The following RABGAP1L variants were observed in gnomAD, a reference collection of about 807,000 sequenced individuals.
RABGAP1L encodes the protein rab GTPase-activating protein 1-like.
In RABGAP1L, 63 loss-of-function variants were observed where a neutral mutation model predicts 137.7. The ratio of observed to expected loss-of-function variants is 0.46; its 90% CI spans 0.37 to 0.56. RABGAP1L has a LOEUF of 0.56. Among genes scored for constraint, RABGAP1L ranks in the 20% least tolerant of loss-of-function variants. The pLI, the probability that RABGAP1L is intolerant of heterozygous loss-of-function variation, is 0.00. For synonymous variants in RABGAP1L, 431 were observed against 433.7 expected, an observed-to-expected ratio of 0.99 and a Z score of 0.08; for missense variants, 1,095 against 1,244.0, an observed-to-expected ratio of 0.88 and a Z score of 1.80.
chr1:174,301,817 A>C (rs1677732894), intron 10 of RABGAP1L, among the ~76,000 whole-genome samples: 1 of 152,198 alleles, frequency 6.6e-6, no homozygotes, highest in African/African-American at 2.4e-5. Flanking sequence ...ACAGTGTAAA[A>C]TGTTAATTAG....
At chr1:174,587,810 A>G (rs1669235503) in intron 13 of RABGAP1L, among the ~76,000 whole-genome samples, 1 of 152,198 alleles carries the variant, frequency 6.6e-6, no homozygotes. Context: ...CACCATCTCA[A>G]GCATTTATTT....
In RABGAP1L at chr1:174,761,097, A is replaced by T. The variant is rs1162032483; in HGVS notation, c.2211+8743A>T. Among the ~76,000 whole-genome samples the T allele has an allele frequency of 6.6e-6, 1 of 152,224 alleles. No individual in the cohort carries two copies. Among genetic ancestry groups the T allele is most frequent in the Non-Finnish European group, 1.5e-5 (1 of 68,036 alleles). On this transcript the variant is annotated intron_variant, in intron 18 of 25. Coordinates refer to ENST00000681986, the MANE Select transcript of RABGAP1L (RefSeq NM_001366446.1). The surrounding 1 kb of genome is among the most constrained non-coding windows in gnomAD (Gnocchi z 4.0). Reference sequence around the variant, plus strand: ...AAAGAAAGAGGTTTAATGGACTTACAGTTCCACGTGGCTGGGCCAGGCCTC... The same window carrying T: ...AAAGAAAGAGGTTTAATGGACTTACTGTTCCACGTGGCTGGGCCAGGCCTC...
At chr1:174,295,787 G>A (rs1481557374) in intron 10 of RABGAP1L, among the ~76,000 whole-genome samples, 2 of 151,768 alleles carry the variant, frequency 1.3e-5, no homozygotes, top group Non-Finnish European at 2.9e-5. Context: ...TCAAAGTCCT[G>A]GGACTATAGG....
At chr1:174,226,562 T>C (rs1670196925) in intron 3 of RABGAP1L, among the ~76,000 whole-genome samples, 1 of 152,206 alleles carries the variant, frequency 6.6e-6, no homozygotes, top group Non-Finnish European at 1.5e-5. Context: ...GAGTCTGTTT[T>C]TGCTTCAGCT....
At chr1:174,602,796 C>T (rs1368706267) in intron 13 of RABGAP1L, among the ~76,000 whole-genome samples, 2 of 152,052 alleles carry the variant, frequency 1.3e-5, no homozygotes, top group Non-Finnish European at 2.9e-5. Context: ...ATATTTAAAA[C>T]TTATTGTAAT....
rs146779304 is a variant in RABGAP1L at position 174,864,085 on chromosome 1, G to A, written c.2340+52125G>A. 3.3e-3 allele frequency among the ~76,000 whole-genome samples: 507 copies of A among 152,308 alleles called. 2 individuals carry two copies. The highest frequency in any genetic ancestry group is 0.012 in the African/African-American group (492 of 41,578). On this transcript the variant is annotated intron_variant, in intron 19 of 25. Coordinates refer to ENST00000681986, the MANE Select transcript of RABGAP1L (RefSeq NM_001366446.1). ...AAATACATTAAGGTTTTAGGAGAAG[G>A]AATTTAGAAATTAAATTGAAGTCGT...
chr1:174,538,560 C>T (rs1665083618), intron 13 of RABGAP1L, among the ~76,000 whole-genome samples: 1 of 152,124 alleles, frequency 6.6e-6, no homozygotes, highest in African/African-American at 2.4e-5. Context: ...CTACCATGTA[C>T]TCTTTGAACT....
chr1:174,695,016 T>A (rs901715561), intron 15 of RABGAP1L, among the ~76,000 whole-genome samples: 2 of 152,228 alleles, frequency 1.3e-5, no homozygotes, highest in African/African-American at 4.8e-5. Flanking sequence ...AAGTGTCTCT[T>A]CATATCCTTC....
At chr1:174,267,253 G>A (rs981720407) in intron 7 of RABGAP1L, among the ~76,000 whole-genome samples, 2 of 152,144 alleles carry the variant, frequency 1.3e-5, no homozygotes, top group Admixed American at 6.5e-5. Flanking sequence ...GCATGCAGTT[G>A]AAGACATCAT....
intron 18 of RABGAP1L, among the ~76,000 whole-genome samples, chr1:174,754,472 GT>G (rs1018347016): frequency 4.6e-5 from 7 of 151,124 alleles, no homozygotes; most frequent in South Asian, 2.1e-4. Context: ...AAATTGCTGG[GT>G]TTTTTTTTCT....
chr1:174,755,903 GT>G (rs927925812), intron 18 of RABGAP1L, among the ~76,000 whole-genome samples: 2 of 152,188 alleles, frequency 1.3e-5, no homozygotes, highest in African/African-American at 4.8e-5. Context: ...TTAAAAGCAT[GT>G]GGACATTGGA....
intron 10 of RABGAP1L, among the ~76,000 whole-genome samples, chr1:174,285,520 G>A (rs971006598): frequency 5.0e-5 from 7 of 140,890 alleles, no homozygotes; most frequent in Non-Finnish European, 6.2e-5. Context: ...TGTTCTAACC[G>A]TTTTTTTTTT....
chr1:174,682,479 T>C (rs1359429977), intron 14 of RABGAP1L, among the ~76,000 whole-genome samples: 2 of 149,822 alleles, frequency 1.3e-5, no homozygotes, highest in Admixed American at 1.3e-4. Flanking sequence ...AAAAAAGTCC[T>C]GTCCCTTAAG....
chr1:174,341,042 G>C (rs1265521206), intron 11 of RABGAP1L, among the ~76,000 whole-genome samples: 1 of 151,606 alleles, frequency 6.6e-6, no homozygotes, highest in African/African-American at 2.4e-5. Flanking sequence ...TTTCATGTTA[G>C]TTGGCTGCAT....
intron 13 of RABGAP1L, among the ~76,000 whole-genome samples, chr1:174,614,264 ATC>A: frequency 6.6e-6 from 1 of 152,224 alleles, no homozygotes; most frequent in East Asian, 1.9e-4. Flanking sequence ...TGGTGACAAA[ATC>A]TCTCAGCATT....
At chr1:174,723,030 TAGAC>T (rs776831390) in intron 17 of RABGAP1L, among the ~76,000 whole-genome samples, 2 of 152,138 alleles carry the variant, frequency 1.3e-5, no homozygotes, top group Non-Finnish European at 2.9e-5. Flanking sequence ...ACAAATAAGA[TAGAC>T]AGACTCTTGC....
chr1:174,773,724 C>T (rs1017102717), intron 18 of RABGAP1L, among the ~76,000 whole-genome samples: 1 of 152,198 alleles, frequency 6.6e-6, no homozygotes, highest in Non-Finnish European at 1.5e-5. Context: ...ATTCTCTGCT[C>T]TTGACTGGCT....
At chr1:174,848,428 G>A (rs1342963569) in intron 19 of RABGAP1L, among the ~76,000 whole-genome samples, 19 of 143,280 alleles carry the variant, frequency 1.3e-4, no homozygotes, top group South Asian at 2.2e-4. Context: ...CTTTCTGTTT[G>A]TTAGTTTTCC....
intron 13 of RABGAP1L, among the ~76,000 whole-genome samples, chr1:174,606,683 G>A (rs988114613): frequency 3.3e-5 from 5 of 152,100 alleles, no homozygotes; most frequent in African/African-American, 1.2e-4. Context: ...TGTTTTCCAA[G>A]CCAAAATTCA....
Sources: gnomAD v4.1 joint callset for allele counts (sites outside exome capture counted in the v4.1 genomes callset) on GRCh38, gnomAD v4.1.1 for gene constraint, Gnocchi (gnomAD v3.1) non-coding constraint, MANE v1.5 for transcripts, NCBI Gene and HGNC (gene_info 2026-07-23, HGNC 2026-07-21) for gene names.